The following PNISR variants were observed in gnomAD, a reference collection of about 807,000 sequenced individuals.
PNISR encodes the protein PNN interacting serine and arginine rich protein.
Under a neutral mutation model 93.4 loss-of-function variants are expected in PNISR, and 20 were observed. The observed-to-expected ratio is 0.21, with a 90% CI of 0.15 to 0.31. The LOEUF is 0.31. Among genes scored for constraint, PNISR ranks in the 10% least tolerant of loss-of-function variants. The pLI is 1.00. For synonymous variants in PNISR, 305 were observed against 306.5 expected (o/e 0.99, Z 0.05); for missense variants, 893 against 985.4 (o/e 0.91, Z 1.25).
chr6:99,402,674 T>C lies in PNISR; in HGVS notation c.1193A>G (p.Asp398Gly). Residue 398 changes from aspartate to glycine, a missense_variant, in exon 11 of 12, where the codon GAT becomes GGT. Around this residue, in one of 3 missense-constraint regions of PNISR, gnomAD observed 866 missense variants for 935.1 expected, o/e 0.93. Coordinates refer to ENST00000369239, the MANE Select transcript of PNISR (RefSeq NM_032870.4). ...LGGYGSGDSE[D>G]ERSDRGSESS... The stretch of plus-strand genomic sequence containing the variant: ...CTCAGATCCTCTGTCACTCCTCTCA[T>C]CTTCACTGTCTCCTGATCCATAACC... 6.2e-7 allele frequency: 1 copy of C among 1,611,742 alleles called. No individual in the cohort carries two copies.
chr6:99,425,281 T>C lies in PNISR; in HGVS notation c.-178A>G. 4 of 1,232,146 alleles carry C rather than the reference T, an allele frequency of 3.2e-6. No homozygotes were observed. The highest frequency in any genetic ancestry group is 4.1e-5 in the South Asian group (1 of 24,320). 76.3% of individuals were successfully genotyped at this position (1,232,146 alleles called of 1,614,324 possible). A position where few individuals can be genotyped will look rare whatever the true frequency, so the allele number is the denominator to read the frequency against. ...AACACCTCTCCAACGCTTTCGATGCTTCTACTTCTTCGGGAACAAGACAAG... is the reference window on the plus strand; with the variant it reads ...AACACCTCTCCAACGCTTTCGATGCCTCTACTTCTTCGGGAACAAGACAAG... On this transcript the variant is annotated 5_prime_UTR_variant, in exon 1 of 12. Coordinates refer to ENST00000369239, the MANE Select transcript of PNISR (RefSeq NM_032870.4).
In PNISR at chr6:99,398,210, TAAAC is replaced by T. The variant is rs1211428742; in HGVS notation, c.*2326_*2329del. The T allele has an allele frequency of 2.6e-5, 4 of 152,246 alleles. No homozygotes were observed. Among genetic ancestry groups the T allele is most frequent in the Admixed American group, 6.5e-5 (1 of 15,294 alleles). 9.4% of individuals were successfully genotyped at this position (152,246 alleles called of 1,614,324 possible). A position where few individuals can be genotyped will look rare whatever the true frequency, so the allele number is the denominator to read the frequency against. On this transcript the variant is annotated 3_prime_UTR_variant, in exon 12 of 12. Transcript: ENST00000369239. ...AGAAATATTTTTTAATAGAACCTCT[TAAAC>T]AAGACATTTTCATTAACCAATCCAG...
At chr6:99,423,295 T>A (rs758980574) in intron 1 of PNISR, among the ~76,000 whole-genome samples, 1 of 152,080 alleles carries the variant, frequency 6.6e-6, no homozygotes, top group Non-Finnish European at 1.5e-5. Context: ...CACAAGCCCA[T>A]AAGGATATGA....
At chr6:99,422,656 T>C (rs1329261631) in intron 1 of PNISR, among the ~76,000 whole-genome samples, 1 of 149,002 alleles carries the variant, frequency 6.7e-6, no homozygotes, top group Non-Finnish European at 1.5e-5. Context: ...GGTTCATCAC[T>C]TGAGGCCAGG....
At position 99,400,971 on chromosome 6, in the gene PNISR, G is replaced by T. The variant is rs1403569526; in HGVS notation, c.1987C>A (p.Gln663Lys). The T allele has an allele frequency of 6.2e-7, 1 of 1,606,710 alleles. No individual in the cohort carries two copies. Among genetic ancestry groups the T allele is most frequent in the Non-Finnish European group, 8.5e-7 (1 of 1,174,934 alleles). ...CGACTCCTCTCCTTTTTCCTCTCTTGTTCTTTAGCCTCACCTTTATGCTTA... is the reference window on the plus strand; with the variant it reads ...CGACTCCTCTCCTTTTTCCTCTCTTTTTCTTTAGCCTCACCTTTATGCTTA... ...SHKHKGEAKEQERKKERSRSI... is the reference protein window; with the variant it reads ...SHKHKGEAKEKERKKERSRSI... The change falls in exon 12 of 12, where the codon CAA becomes AAA. Residue 663 changes from glutamine to lysine, a missense_variant. Coordinates refer to ENST00000369239, the MANE Select transcript of PNISR (RefSeq NM_032870.4).
intron 1 of PNISR, among the ~76,000 whole-genome samples, chr6:99,421,973 C>T (rs996872633): frequency 3.9e-5 from 6 of 152,082 alleles, no homozygotes; most frequent in African/African-American, 1.4e-4. Flanking sequence ...TCAAGCAATT[C>T]TCATGCCTCA....
Position 99,412,633 on chromosome 6 carries a change from T to C in PNISR, c.195A>G (p.Gln65=). 1.9e-6 allele frequency: 3 copies of C among 1,612,750 alleles called. No individual in the cohort carries two copies. The highest frequency in any genetic ancestry group is 2.5e-6 in the Non-Finnish European group (3 of 1,179,148). ...EQPPGMMPNG[Q]DMSTMESGPN... ...GACCAGATTCCATTGTAGACATATCTTGTCCATTTGGCATCATTCCTGGTG... is the reference window on the plus strand; with the variant it reads ...GACCAGATTCCATTGTAGACATATCCTGTCCATTTGGCATCATTCCTGGTG... Residue 65 remains glutamine (Q), a synonymous_variant, in exon 4 of 12, where the codon CAA becomes CAG. Transcript: ENST00000369239.
chr6:99,418,687 A>T (rs977523646), intron 1 of PNISR, among the ~76,000 whole-genome samples: 5 of 152,234 alleles, frequency 3.3e-5, no homozygotes, highest in African/African-American at 1.2e-4. Flanking sequence ...TGGGAAAAAC[A>T]GAGCAGAATA....
chr6:99,414,437 T>G (rs1016003251), intron 3 of PNISR, 135 bp downstream of exon 3: 5 of 437,530 alleles, frequency 1.1e-5, no homozygotes, highest in South Asian at 6.8e-5. Flanking sequence ...AGGCTATTTA[T>G]GAGAAGATTA....
At chr6:99,408,691 T>C (rs999863277) in intron 6 of PNISR, among the ~76,000 whole-genome samples, 3 of 152,342 alleles carry the variant, frequency 2.0e-5, no homozygotes, top group Middle Eastern at 3.4e-3. Flanking sequence ...GGCATAAATA[T>C]GTATTTGTCA....
Position 99,411,034 on chromosome 6 carries a change from C to A in PNISR, c.278-70G>T, listed in dbSNP as rs775022134. On this transcript the variant is annotated intron_variant, in intron 4 of 11. Transcript: ENST00000369239. ...CAAAATCAACACAGAATTTTAAGAT[C>A]TCAAGAAAGATTTTTCAGTAAACAT... 2.6e-6 allele frequency: 3 copies of A among 1,166,532 alleles called. No homozygotes were observed. The African/African-American group carries it at 4.6e-5, about 18-fold the overall frequency. The allele number at this position is 1,166,532 out of a possible 1,614,324, so 72.3% of individuals were successfully genotyped here. A position where few individuals can be genotyped will look rare whatever the true frequency, so the allele number is the denominator to read the frequency against.
Position 99,409,050 on chromosome 6 carries a change from A to T in PNISR, c.673+123T>A, listed in dbSNP as rs1582796443. The T allele has an allele frequency of 4.1e-6, 3 of 729,064 alleles. No individual in the cohort carries two copies. In the East Asian group the frequency reaches 8.1e-5, roughly 20 times the overall value. The allele number at this position is 729,064 out of a possible 1,614,324, so 45.2% of individuals were successfully genotyped here. A position where few individuals can be genotyped will look rare whatever the true frequency, so the allele number is the denominator to read the frequency against. On this transcript the variant is annotated intron_variant, in intron 6 of 11. Coordinates refer to ENST00000369239, the MANE Select transcript of PNISR (RefSeq NM_032870.4). Reference sequence around the variant, plus strand: ...AATTTTAAGCTTTATGACCATAAAAAATAAAGTGTCAATTCCTAACACATC... The same window carrying T: ...AATTTTAAGCTTTATGACCATAAAATATAAAGTGTCAATTCCTAACACATC...
chr6:99,425,304 A>G lies in PNISR; in HGVS notation c.-201T>C. ...GCTTCTACTTCTTCGGGAACAAGAC[A>G]AGATGGCGCCCGATTTGTCTCACCC... On this transcript the variant is annotated 5_prime_UTR_variant, in exon 1 of 12. Coordinates refer to ENST00000369239, the MANE Select transcript of PNISR (RefSeq NM_032870.4). The G allele has an allele frequency of 1.6e-6, 2 of 1,232,114 alleles. No individual in the cohort carries two copies. Among genetic ancestry groups the G allele is most frequent in the Middle Eastern group, 3.1e-4 (1 of 3,208 alleles). The allele number at this position is 1,232,114 out of a possible 1,614,324, so 76.3% of individuals were successfully genotyped here. A position where few individuals can be genotyped will look rare whatever the true frequency, so the allele number is the denominator to read the frequency against.
chr6:99,412,732 A>T lies in PNISR; in HGVS notation c.96T>A (p.Ile32=). The change falls in exon 4 of 12, where the codon ATT becomes ATA. Residue 32 remains isoleucine (I), a synonymous_variant. Transcript: ENST00000369239. ...AAGCTTGGGCCAATGCAGCCCAATC[A>T]ATCTGGCCTAACGTAAATTAACACT... The part of the protein sequence containing the change: ...SFQHQQDPSQ[I]DWAALAQAWI... 6.4e-7 allele frequency: 1 copy of T among 1,573,560 alleles called. No individual in the cohort carries two copies. Among genetic ancestry groups the T allele is most frequent in the Non-Finnish European group, 8.6e-7 (1 of 1,165,196 alleles).
At chr6:99,411,030 A>C (rs1484771143) in intron 4 of PNISR, 66 bp from the exon 5 acceptor site, 3 of 1,205,186 alleles carry the variant, frequency 2.5e-6, no homozygotes, top group Non-Finnish European at 3.6e-6. Context: ...CAGAATTTTA[A>C]GATCTCAAGA....
intron 1 of PNISR, among the ~76,000 whole-genome samples, chr6:99,424,437 T>G (rs1779151410): frequency 6.6e-6 from 1 of 152,102 alleles, no homozygotes; most frequent in Admixed American, 6.5e-5. Flanking sequence ...CAAGAACATC[T>G]TTAAAGAACT....
At chr6:99,404,104 C>CA (rs764594429) in intron 9 of PNISR, 14 of 508,160 alleles carry the variant, frequency 2.8e-5, no homozygotes, top group Non-Finnish European at 4.9e-5. Flanking sequence ...AAAATGTTGA[C>CA]AGGTATATCT....
intron 11 of PNISR, 49 bp from the exon 12 acceptor site, chr6:99,401,679 C>T (rs1582759246): frequency 1.4e-6 from 2 of 1,392,838 alleles, no homozygotes; most frequent in South Asian, 1.5e-5. Context: ...ATGTAAAATT[C>T]TCATACTACC....
At chr6:99,411,233 C>G (rs962455593) in intron 4 of PNISR, among the ~76,000 whole-genome samples, 1 of 152,166 alleles carries the variant, frequency 6.6e-6, no homozygotes, top group Non-Finnish European at 1.5e-5. Flanking sequence ...ATCCAAAGCA[C>G]TATTTTTGTT....
Sources: allele counts gnomAD v4.1 joint callset (sites outside exome capture counted in the v4.1 genomes callset), GRCh38; gene constraint gnomAD v4.1.1; regional missense constraint gnomAD v4.1.1; transcripts MANE v1.5; gene names NCBI Gene and HGNC (gene_info 2026-07-23, HGNC 2026-07-21).